The following CD48 variants were observed in gnomAD, a reference collection of about 807,000 sequenced individuals.
The protein encoded by CD48 is CD48 molecule, also known as CD48 antigen.
In CD48, 20 loss-of-function variants were observed where a neutral mutation model predicts 22.0. That is an observed-to-expected ratio of 0.91 (90% confidence interval 0.64 to 1.32). CD48 has a LOEUF of 1.32. CD48 is among the 40% of genes most tolerant of loss of function. The pLI is 0.00. For missense variants in CD48, 307 were observed against 286.5 expected (o/e 1.07, Z -0.52); for synonymous variants, 110 against 110.1 (o/e 1.00, Z 0.01).
chr1:160,690,427 T>A (rs1662167809), intron 1 of CD48, among the ~76,000 whole-genome samples: 1 of 152,140 alleles, frequency 6.6e-6, no homozygotes. Context: ...GGTTCCTGAT[T>A]TGGAAGTACG....
chr1:160,682,278 G>A lies in CD48; in HGVS notation c.386-810C>T, dbSNP rs1484384633. On this transcript the variant is annotated intron_variant, in intron 2 of 3. Coordinates refer to ENST00000368046, the MANE Select transcript of CD48 (RefSeq NM_001778.4). ...AGCCTGGGCAACATTGAGAGACTCA[G>A]TTTCTAAAAAAAAAAAAGAAAGAAA... Among the ~76,000 whole-genome samples the A allele has an allele frequency of 4.3e-5, 6 of 139,608 alleles. No homozygotes were observed. The Admixed American group carries it at 4.4e-4, about 10-fold the overall frequency. 91.6% of individuals were successfully genotyped at this position (139,608 alleles called of 152,430 possible).
intron 1 of CD48, among the ~76,000 whole-genome samples, chr1:160,708,192 C>A (rs533589548): frequency 1.3e-5 from 2 of 152,082 alleles, no homozygotes; most frequent in Non-Finnish European, 2.9e-5. Flanking sequence ...AAGAATCAAA[C>A]GCCCAGAAAC....
At chr1:160,688,354 G>T (rs1044784378) in intron 1 of CD48, among the ~76,000 whole-genome samples, 1 of 152,158 alleles carries the variant, frequency 6.6e-6, no homozygotes, top group African/African-American at 2.4e-5. Context: ...GATTCGCAAG[G>T]TCTAGGTAAA....
At chr1:160,690,732 G>A (rs1204873699) in intron 1 of CD48, among the ~76,000 whole-genome samples, 1 of 152,190 alleles carries the variant, frequency 6.6e-6, no homozygotes, top group Non-Finnish European at 1.5e-5. Flanking sequence ...ATGTTTGATA[G>A]TAGCAGTTTC....
Position 160,685,185 on chromosome 1 carries a change from G to C in CD48, c.87C>G (p.His29Gln), listed in dbSNP as rs147119126. The change falls in exon 2 of 4, where the codon CAC (histidine) becomes CAG (glutamine). Residue 29 changes from histidine (H) to glutamine (Q), a missense_variant. By Grantham distance (24) the His-to-Gln change is conservative. Transcript: ENST00000368046. ...CGGAGACCACGGTCATATGTACCAA[G>C]TGACCTGCCAATGAGATTCAGAGTG... The part of the protein sequence containing the change: ...LSLLVTSIQG[H>Q]LVHMTVVSGS... 1 of 1,603,556 alleles carries C rather than the reference G, an allele frequency of 6.2e-7. No homozygotes were observed. The highest frequency in any genetic ancestry group is 8.5e-7 in the Non-Finnish European group (1 of 1,172,590).
intron 1 of CD48, among the ~76,000 whole-genome samples, chr1:160,706,956 A>C (rs987201720): frequency 2.0e-5 from 3 of 152,234 alleles, no homozygotes; most frequent in Non-Finnish European, 4.4e-5. Context: ...AATAAAAATA[A>C]TAAAAACAAA....
At chr1:160,689,973 T>C (rs560249394) in intron 1 of CD48, among the ~76,000 whole-genome samples, 56 of 152,338 alleles carry the variant, frequency 3.7e-4, no homozygotes, top group African/African-American at 1.3e-3. Context: ...TTTAGGAACA[T>C]TTAAAAAATT....
intron 2 of CD48, among the ~76,000 whole-genome samples, chr1:160,681,931 G>A (rs762486194): frequency 4.3e-4 from 65 of 152,148 alleles, no homozygotes; most frequent in Non-Finnish European, 6.8e-4. Context: ...ACCTGTCTGC[G>A]CGTGGCAAAG....
rs571117738 is a variant in CD48, at chr1:160,678,930, G to T, written c.*122C>A. The T allele has an allele frequency of 2.2e-5, 15 of 689,764 alleles. No homozygotes were observed. The highest frequency in any genetic ancestry group is 3.9e-5 in the Non-Finnish European group (15 of 387,514). 42.7% of individuals were successfully genotyped at this position (689,764 alleles called of 1,614,324 possible). The stretch of plus-strand genomic sequence containing the variant: ...TTTAAAAGTTAACTTGAAAATCCTC[G>T]TTGATAATTCAGCAGCATGCTTCTG... On this transcript the variant is annotated 3_prime_UTR_variant, in exon 4 of 4. Coordinates refer to ENST00000368046, the MANE Select transcript of CD48 (RefSeq NM_001778.4).
chr1:160,710,486 AAAG>A (rs1662915492), intron 1 of CD48, among the ~76,000 whole-genome samples: 2 of 152,236 alleles, frequency 1.3e-5, no homozygotes, highest in African/African-American at 4.8e-5. Context: ...TGATTGTTTC[AAAG>A]AAGAATAAAT....
At chr1:160,686,243 C>G (rs1014122093) in intron 1 of CD48, among the ~76,000 whole-genome samples, 25 of 152,002 alleles carry the variant, frequency 1.6e-4, no homozygotes, top group Middle Eastern at 3.4e-3. Flanking sequence ...CTATGGCTAG[C>G]CTAGGGGAGA....
intron 1 of CD48, among the ~76,000 whole-genome samples, chr1:160,701,710 T>G (rs1479582989): frequency 6.6e-6 from 1 of 152,154 alleles, no homozygotes; most frequent in Non-Finnish European, 1.5e-5. Context: ...TAGGGCTGAA[T>G]TGTACCTTTT....
rs140706944 is a variant in CD48, at chr1:160,711,672, T to C, written c.82+10A>G. On this transcript the variant is annotated intron_variant, in intron 1 of 3. Coordinates refer to ENST00000368046, the MANE Select transcript of CD48 (RefSeq NM_001778.4). ...TGCACAATCACAGATACACAGTTGGTGGAAAGTACCTTGAATGCTGGTCAC... is the reference window on the plus strand; with the variant it reads ...TGCACAATCACAGATACACAGTTGGCGGAAAGTACCTTGAATGCTGGTCAC... 296 of 1,604,448 alleles carry C rather than the reference T, an allele frequency of 1.8e-4. 2 individuals are homozygous for C. The East Asian group carries it at 6.4e-3, about 35-fold the overall frequency.
intron 1 of CD48, among the ~76,000 whole-genome samples, chr1:160,692,625 G>T (rs540731330): frequency 2.0e-5 from 3 of 152,068 alleles, no homozygotes; most frequent in African/African-American, 4.8e-5. Flanking sequence ...ACCCTCAGCC[G>T]CCCACTAGGA....
intron 1 of CD48, among the ~76,000 whole-genome samples, chr1:160,698,021 A>T (rs1662493807): frequency 6.6e-6 from 1 of 152,222 alleles, no homozygotes; most frequent in South Asian, 2.1e-4. Context: ...GTGGAGGCTT[A>T]CTGTGGCCTC....
Position 160,696,249 on chromosome 1 carries a change from A to T in CD48, c.83-11060T>A, listed in dbSNP as rs867995126. Among the ~76,000 whole-genome samples, 4 of 151,816 alleles carry T rather than the reference A, an allele frequency of 2.6e-5. No homozygotes were observed. The South Asian group carries it at 8.3e-4, about 31-fold the overall frequency. On this transcript the variant is annotated intron_variant, in intron 1 of 3. Coordinates refer to ENST00000368046, the MANE Select transcript of CD48 (RefSeq NM_001778.4). ...TTACAGTGTTACAAGATTTTGATCA[A>T]CCTATCAATATTATATCAGATTCTG...
intron 1 of CD48, among the ~76,000 whole-genome samples, chr1:160,703,592 T>C (rs1411152433): frequency 6.6e-6 from 1 of 151,630 alleles, no homozygotes. Flanking sequence ...TGCATTAGAG[T>C]GGGGTGAAAA....
At chr1:160,691,202 C>G (rs541706714) in intron 1 of CD48, among the ~76,000 whole-genome samples, 1 of 152,124 alleles carries the variant, frequency 6.6e-6, no homozygotes, top group Non-Finnish European at 1.5e-5. Context: ...GCCCGACACC[C>G]GTAAAGGGTC....
chr1:160,681,601 C>T (rs1661806576), intron 2 of CD48, 133 bp from the exon 3 acceptor site: 5 of 1,156,666 alleles, frequency 4.3e-6, no homozygotes, highest in Non-Finnish European at 6.1e-6. Context: ...AGAAGAAGTT[C>T]TACAGAGGGA....
Sources: allele counts gnomAD v4.1 joint callset (sites outside exome capture counted in the v4.1 genomes callset), GRCh38; gene constraint gnomAD v4.1.1; transcripts MANE v1.5; gene names NCBI Gene and HGNC (gene_info 2026-07-23, HGNC 2026-07-21).